Variants in VTI1B observed in about 807,000 individuals in gnomAD.
The protein encoded by VTI1B is vesicle transport through interaction with t-SNAREs homolog 1B.
A neutral mutation model predicts 28.6 loss-of-function variants in VTI1B; 18 were observed. That is an observed-to-expected ratio of 0.63 (90% CI 0.43 to 0.93). The LOEUF is 0.93. Among genes scored for constraint, VTI1B ranks in the 40% least tolerant of loss-of-function variants. The probability of loss-of-function intolerance (pLI) is 0.00; values close to 1 mark genes in which losing one functional copy is unlikely to be tolerated. For synonymous variants in VTI1B, 100 were observed against 107.9 expected, an observed-to-expected ratio of 0.93 and a Z score of 0.46; for missense variants, 283 against 297.0, an observed-to-expected ratio of 0.95 and a Z score of 0.35.
rs767431019 is a variant in VTI1B at position 67,659,792 on chromosome 14, G to A, written c.305C>T (p.Ala102Val). ...HREVRSTPLT[A>V]TPGGRGDMKY... ...CATGTCTCCTCGGCCTCCAGGTGTG[G>A]CTGTCAAAGGTGTGCTTCTCACCTC... The change falls in exon 3 of 6, where the codon GCC (alanine) becomes GTC (valine). Residue 102 changes from alanine (A) to valine (V), a missense_variant. Physicochemically the swap from Ala to Val is moderately conservative, Grantham distance 64. Transcript: ENST00000554659. 4 of 1,614,094 alleles carry A rather than the reference G, an allele frequency of 2.5e-6. No individual in the cohort carries two copies. The South Asian group carries it at 3.3e-5, about 13-fold the overall frequency.
chr14:67,647,167 T>C lies in VTI1B; in HGVS notation c.*4218A>G. 1 of 574,248 alleles carries C rather than the reference T, an allele frequency of 1.7e-6. No individual in the cohort carries two copies. Among genetic ancestry groups the C allele is most frequent in the South Asian group, 2.5e-5 (1 of 39,862 alleles). The allele number at this position is 574,248 out of a possible 1,614,324, so 35.6% of individuals were successfully genotyped here. ...TTAAATAGTTCAGAAAGGCAAAATTTGAAACACAGGTCATATTCTTCCTCT... is the reference window on the plus strand; with the variant it reads ...TTAAATAGTTCAGAAAGGCAAAATTCGAAACACAGGTCATATTCTTCCTCT... On this transcript the variant is annotated 3_prime_UTR_variant, in exon 6 of 6. Transcript: ENST00000554659.
intron 1 of VTI1B, among the ~76,000 whole-genome samples, chr14:67,665,181 A>G (rs1239957212): frequency 6.6e-6 from 1 of 152,076 alleles, no homozygotes; most frequent in Non-Finnish European, 1.5e-5. Context: ...CCAATCCTAC[A>G]TAAGATGTAA....
intron 5 of VTI1B, chr14:67,651,754 T>C (rs780199227): frequency 3.6e-6 from 1 of 274,724 alleles, no homozygotes; most frequent in South Asian, 5.0e-5. Context: ...CCTTTAAAAA[T>C]AGCTTTTCTA....
intron 1 of VTI1B, 60 bp downstream of exon 1, chr14:67,674,315 A>G (rs2037506434): frequency 2.1e-6 from 3 of 1,429,318 alleles, no homozygotes; most frequent in African/African-American, 1.5e-5. Context: ...AGGTGGGAGA[A>G]TCTTCCTTCC....
intron 2 of VTI1B, among the ~76,000 whole-genome samples, chr14:67,661,499 G>T: frequency 6.9e-6 from 1 of 145,610 alleles, no homozygotes; most frequent in Non-Finnish European, 1.5e-5. Flanking sequence ...TACATTTTCT[G>T]TGACAGTAGG....
Position 67,668,904 on chromosome 14 carries a change from A to G in VTI1B, c.115+5471T>C, listed in dbSNP as rs116473176. On this transcript the variant is annotated intron_variant, in intron 1 of 5. Coordinates refer to ENST00000554659, the MANE Select transcript of VTI1B (RefSeq NM_006370.3). ...AAGGAAGACAAACAATATACTGTAA[A>G]TATCATAAATGTGGAAAGTGTCTAA... is the stretch of plus-strand genomic sequence containing the variant. 4.7e-3 allele frequency among the ~76,000 whole-genome samples: 723 copies of G among 152,344 alleles called. 9 individuals are homozygous for G. The highest frequency in any genetic ancestry group is 0.017 in the African/African-American group (686 of 41,570).
chr14:67,651,339 T>C lies in VTI1B; in HGVS notation c.*46A>G, dbSNP rs953171860. The C allele has an allele frequency of 6.2e-7, 1 of 1,612,004 alleles. No homozygotes were observed. The highest frequency in any genetic ancestry group is 8.5e-7 in the Non-Finnish European group (1 of 1,178,692). On this transcript the variant is annotated 3_prime_UTR_variant, in exon 6 of 6. Transcript: ENST00000554659. ...CTATCCACATCCCTAACATCATGCA[T>C]TCACAAGGTCAAAGTTCTGGTCCAC...
At chr14:67,662,985 T>C (rs1204751571) in intron 1 of VTI1B, 103 of 1,390,632 alleles carry the variant, frequency 7.4e-5, no homozygotes, top group Non-Finnish European at 8.9e-5. Context: ...CACTTCTATG[T>C]TAACTCGTAC....
In VTI1B at chr14:67,649,332, G is replaced by A. The variant is rs2037142213; in HGVS notation, c.*2053C>T. Reference sequence around the variant, plus strand: ...ACCCCAGGGGTTCAAGACCAGCGTGGGCAACATAGTGTGACCCCGTTTCTA... The same window carrying A: ...ACCCCAGGGGTTCAAGACCAGCGTGAGCAACATAGTGTGACCCCGTTTCTA... On this transcript the variant is annotated 3_prime_UTR_variant, in exon 6 of 6. Coordinates refer to ENST00000554659, the MANE Select transcript of VTI1B (RefSeq NM_006370.3). 1 of 152,070 alleles carries A rather than the reference G, an allele frequency of 6.6e-6. No homozygotes were observed. Among genetic ancestry groups the A allele is most frequent in the Non-Finnish European group, 1.5e-5 (1 of 68,050 alleles). The allele number at this position is 152,070 out of a possible 1,614,324, so 9.4% of individuals were successfully genotyped here. A position where few individuals can be genotyped will look rare whatever the true frequency, so the allele number is the denominator to read the frequency against.
intron 2 of VTI1B, 103 bp from the exon 3 acceptor site, chr14:67,660,025 C>G: frequency 4.3e-6 from 5 of 1,169,046 alleles, no homozygotes; most frequent in Non-Finnish European, 6.0e-6. Flanking sequence ...ATTTGGACTA[C>G]ACCAAGTAAA....
intron 3 of VTI1B, among the ~76,000 whole-genome samples, chr14:67,657,824 C>T (rs2037282945): frequency 6.6e-6 from 1 of 151,356 alleles, no homozygotes; most frequent in African/African-American, 2.4e-5. Flanking sequence ...TCTCAGCTCA[C>T]TGCAGCCTCT....
chr14:67,669,403 G>A (rs1349703780), intron 1 of VTI1B, among the ~76,000 whole-genome samples: 1 of 151,508 alleles, frequency 6.6e-6, no homozygotes, highest in African/African-American at 2.4e-5. Context: ...CTGAGCAGCT[G>A]GGATTACAAG....
At chr14:67,658,596 CA>C (rs201241501) in intron 3 of VTI1B, among the ~76,000 whole-genome samples, 4,183 of 151,888 alleles carry the variant, frequency 0.028, 208 homozygotes, top group African/African-American at 0.096. Context: ...GACTCCGTCT[CA>C]AAAAAAATAA....
intron 1 of VTI1B, among the ~76,000 whole-genome samples, chr14:67,666,355 C>T (rs1170453544): frequency 6.6e-6 from 1 of 152,232 alleles, no homozygotes; most frequent in Non-Finnish European, 1.5e-5. Context: ...AACCTCTCTC[C>T]TTTCACTAAC....
intron 3 of VTI1B, among the ~76,000 whole-genome samples, chr14:67,657,778 T>TC (rs1422679865): frequency 2.0e-5 from 3 of 147,642 alleles, no homozygotes; most frequent in South Asian, 2.1e-4. Flanking sequence ...TGAGACAGTC[T>TC]CGCTCTGTCG....
At chr14:67,664,750 C>T (rs1201371077) in intron 1 of VTI1B, among the ~76,000 whole-genome samples, 1 of 152,176 alleles carries the variant, frequency 6.6e-6, no homozygotes, top group South Asian at 2.1e-4. Context: ...CCATCCACCT[C>T]AGCCTTTCCG....
In VTI1B at chr14:67,658,550, T is replaced by C. The variant is rs1315286915; in HGVS notation, c.366+1181A>G. Among the ~76,000 whole-genome samples the C allele has an allele frequency of 2.0e-5, 3 of 152,162 alleles. No homozygotes were observed. The East Asian group carries it at 5.8e-4, about 29-fold the overall frequency. The stretch of plus-strand genomic sequence containing the variant: ...AGGTGGAGCTTGCAGTGAGCCGAGA[T>C]TGCGCCACTGCACTCCAGCCTGGGT... On this transcript the variant is annotated intron_variant, in intron 3 of 5. Coordinates refer to ENST00000554659, the MANE Select transcript of VTI1B (RefSeq NM_006370.3).
intron 1 of VTI1B, among the ~76,000 whole-genome samples, chr14:67,670,428 C>T (rs1594842149): frequency 6.6e-6 from 1 of 152,294 alleles, no homozygotes; most frequent in East Asian, 1.9e-4. Context: ...ATCTAGCAAA[C>T]TCCCATTCAA....
In VTI1B at chr14:67,659,726, C is replaced by T. The variant is rs762251677; in HGVS notation, c.366+5G>A. The T allele has an allele frequency of 6.3e-7, 1 of 1,585,222 alleles. No individual in the cohort carries two copies. The highest frequency in any genetic ancestry group is 1.8e-5 in the Admixed American group (1 of 54,394). ...AAAAAAACAAACAAAACAGCTAAAA[C>T]TTACCATATGCTCATTCTCTACAGC... On this transcript the variant is annotated splice_donor_5th_base_variant and intron_variant, in intron 3 of 5. Transcript: ENST00000554659.
Sources: gnomAD v4.1 joint callset for allele counts (sites outside exome capture counted in the v4.1 genomes callset) on GRCh38, gnomAD v4.1.1 for gene constraint, MANE v1.5 for transcripts, NCBI Gene and HGNC (gene_info 2026-07-23, HGNC 2026-07-21) for gene names.